JAM3: variants seen among roughly 807,000 people sequenced by gnomAD.
JAM3 encodes junctional adhesion molecule C.
JAM3 carries 31 observed loss-of-function variants against 39.4 expected under a neutral mutation model. That is an observed-to-expected ratio of 0.79 (90% CI 0.59 to 1.06). The LOEUF is 1.06. Among genes scored for constraint, JAM3 ranks in the 50% least tolerant of loss-of-function variants. The pLI is 0.00. For missense variants in JAM3, 455 were observed against 391.4 expected (o/e 1.16, Z -1.37); for synonymous variants, 182 against 148.7 (o/e 1.22, Z -1.63).
At chr11:134,135,425 T>C (rs1942845595) in intron 1 of JAM3, among the ~76,000 whole-genome samples, 2 of 152,216 alleles carry the variant, frequency 1.3e-5, no homozygotes, top group African/African-American at 4.8e-5. Flanking sequence ...ATCATCTAGC[T>C]TTGTAATAAG....
intron 1 of JAM3, among the ~76,000 whole-genome samples, chr11:134,133,264 C>G (rs568542751): frequency 1.3e-5 from 2 of 152,166 alleles, no homozygotes; most frequent in Non-Finnish European, 2.9e-5. Context: ...TACTTCCTTT[C>G]CAACTTCGAT....
intron 1 of JAM3, among the ~76,000 whole-genome samples, chr11:134,119,555 G>A (rs1458813926): frequency 6.6e-6 from 1 of 152,190 alleles, no homozygotes. Flanking sequence ...AAGAAAGCTG[G>A]TGAGTTCAGA....
At chr11:134,093,763 C>A (rs78510516) in intron 1 of JAM3, among the ~76,000 whole-genome samples, 2 of 28,984 alleles carry the variant, frequency 6.9e-5, no homozygotes, top group South Asian at 2.5e-3. Context: ...CCACCTTACA[C>A]GTCACTTCCT....
intron 3 of JAM3, among the ~76,000 whole-genome samples, chr11:134,142,694 T>G (rs1481495680): frequency 6.6e-6 from 1 of 152,182 alleles, no homozygotes; most frequent in African/African-American, 2.4e-5. Context: ...ATACTCACAG[T>G]TGTGCAACCA....
At chr11:134,133,550 A>C (rs1288547705) in intron 1 of JAM3, among the ~76,000 whole-genome samples, 2 of 152,130 alleles carry the variant, frequency 1.3e-5, no homozygotes, top group African/African-American at 4.8e-5. Flanking sequence ...AGTTGGGATG[A>C]TCATGTCATC....
intron 6 of JAM3, among the ~76,000 whole-genome samples, chr11:134,147,467 A>AAAC (rs1306739614): frequency 4.0e-5 from 6 of 150,856 alleles, no homozygotes; most frequent in African/African-American, 1.5e-4. Flanking sequence ...CTCAAAAAAA[A>AAAC]AAAAAAAAAA....
chr11:134,139,475 G>C (rs1435373914), intron 1 of JAM3, among the ~76,000 whole-genome samples: 2 of 151,926 alleles, frequency 1.3e-5, no homozygotes, highest in South Asian at 4.1e-4. Context: ...GTGCAGGATT[G>C]GAAGCCTGGG....
At chr11:134,076,548 CTG>C (rs1469859473) in intron 1 of JAM3, among the ~76,000 whole-genome samples, 1 of 152,138 alleles carries the variant, frequency 6.6e-6, no homozygotes, top group African/African-American at 2.4e-5. Flanking sequence ...AGATCTAAAT[CTG>C]TTGTTATTTC....
chr11:134,100,404 A>G (rs1208446839), intron 1 of JAM3, among the ~76,000 whole-genome samples: 2 of 152,208 alleles, frequency 1.3e-5, no homozygotes, highest in African/African-American at 4.8e-5. Context: ...ACTCGCTTGC[A>G]TTGATGGCCC....
intron 1 of JAM3, among the ~76,000 whole-genome samples, chr11:134,101,726 C>G (rs1942076904): frequency 1.3e-5 from 2 of 151,968 alleles, no homozygotes; most frequent in African/African-American, 2.4e-5. Context: ...ATTCTTTTTC[C>G]TCCAGTTTTT....
intron 1 of JAM3, among the ~76,000 whole-genome samples, chr11:134,069,904 C>T (rs1941461099): frequency 6.6e-6 from 1 of 152,214 alleles, no homozygotes. Flanking sequence ...TGTCTCTGGC[C>T]TGGCCGAGGA....
intron 1 of JAM3, among the ~76,000 whole-genome samples, chr11:134,111,361 C>T (rs1364807323): frequency 6.6e-6 from 1 of 151,972 alleles, no homozygotes; most frequent in Admixed American, 6.6e-5. Context: ...CCAGCATGGT[C>T]TCAATCTCCT....
chr11:134,094,490 G>T (rs1212338281), intron 1 of JAM3, among the ~76,000 whole-genome samples: 1 of 141,338 alleles, frequency 7.1e-6, no homozygotes, highest in South Asian at 2.3e-4. Flanking sequence ...CTTCCTGAGG[G>T]AAACTTCTCC....
At chr11:134,069,922 C>CA (rs1311487316) in intron 1 of JAM3, among the ~76,000 whole-genome samples, 1 of 152,162 alleles carries the variant, frequency 6.6e-6, no homozygotes, top group Non-Finnish European at 1.5e-5. Context: ...GGAGACCACG[C>CA]AGACTCTTAT....
chr11:134,104,808 G>T (rs1281685255), intron 1 of JAM3, among the ~76,000 whole-genome samples: 4 of 152,124 alleles, frequency 2.6e-5, no homozygotes, highest in African/African-American at 9.7e-5. Context: ...AAACTAGGAA[G>T]AAGTTGAATC....
rs372409892 is a variant in JAM3, at chr11:134,149,216, C to T, written c.*35C>T. 2.4e-5 allele frequency: 39 copies of T among 1,613,456 alleles called. No individual in the cohort carries two copies. Among genetic ancestry groups the T allele is most frequent in the Non-Finnish European group, 3.1e-5 (37 of 1,179,454 alleles). On this transcript the variant is annotated 3_prime_UTR_variant, in exon 9 of 9. Transcript: ENST00000299106. ...TGTGGCTGAGAGCGCACAGAGCGCA[C>T]GTGCACATACCTCTGCTAGAAACTC...
At chr11:134,147,573 G>A (rs866413702) in intron 6 of JAM3, among the ~76,000 whole-genome samples, 1 of 148,542 alleles carries the variant, frequency 6.7e-6, no homozygotes, top group African/African-American at 2.5e-5. Flanking sequence ...TGCAAGCTCC[G>A]CCTCCCGGGT....
chr11:134,125,024 G>A (rs916020994), intron 1 of JAM3, among the ~76,000 whole-genome samples: 3 of 152,206 alleles, frequency 2.0e-5, no homozygotes, highest in African/African-American at 7.2e-5. Flanking sequence ...ACACCCGCCC[G>A]GTGGCGGCGG....
intron 1 of JAM3, among the ~76,000 whole-genome samples, chr11:134,109,952 AGTG>A (rs1942278234): frequency 6.6e-6 from 1 of 152,078 alleles, no homozygotes; most frequent in African/African-American, 2.4e-5. Context: ...GGCAGAGTGA[AGTG>A]GGGTCTGAGT....
Sources: gnomAD v4.1 joint callset for allele counts (sites outside exome capture counted in the v4.1 genomes callset) on GRCh38, gnomAD v4.1.1 for gene constraint, MANE v1.5 for transcripts, NCBI Gene and HGNC (gene_info 2026-07-23, HGNC 2026-07-21) for gene names.